Variants in CACNA2D3 observed in about 807,000 individuals in gnomAD.
The protein encoded by CACNA2D3 is calcium voltage-gated channel auxiliary subunit alpha2delta 3, also known as voltage-dependent calcium channel subunit alpha-2/delta-3.
In CACNA2D3, 60 loss-of-function variants were observed where a neutral mutation model predicts 160.6. The ratio of observed to expected loss-of-function variants is 0.37; its 90% CI spans 0.30 to 0.46. CACNA2D3 has a LOEUF of 0.46. Among genes scored for constraint, CACNA2D3 ranks in the 20% least tolerant of loss-of-function variants. The pLI is 1.00. For synonymous variants in CACNA2D3, 558 were observed against 492.9 expected, an observed-to-expected ratio of 1.13 and a Z score of -1.75; for missense variants, 1,205 against 1,365.0, an observed-to-expected ratio of 0.88 and a Z score of 1.85.
chr3:54,162,533 C>T (rs1476481974), intron 2 of CACNA2D3, among the ~76,000 whole-genome samples: 3 of 152,074 alleles, frequency 2.0e-5, no homozygotes, highest in Admixed American at 2.0e-4. Context: ...AAGAAGAGCT[C>T]GCTTCAAAAA....
chr3:54,450,739 C>T (rs1420647124), intron 4 of CACNA2D3, among the ~76,000 whole-genome samples: 2 of 152,038 alleles, frequency 1.3e-5, no homozygotes, highest in African/African-American at 4.8e-5. Context: ...TATAAATTAC[C>T]CAGCCTTGGG....
At position 54,678,814 on chromosome 3, in the gene CACNA2D3, A is replaced by C. The variant is rs1178103209; in HGVS notation, c.1167+36573A>C. On this transcript the variant is annotated intron_variant, in intron 11 of 37. Coordinates refer to ENST00000474759, the MANE Select transcript of CACNA2D3 (RefSeq NM_018398.3). Reference sequence around the variant, plus strand: ...GTTTGGTAAAATTTGCTTTTTTCTCAGGTTTAAAAATTAAATGATAATGAA... The same window carrying C: ...GTTTGGTAAAATTTGCTTTTTTCTCCGGTTTAAAAATTAAATGATAATGAA... 3.4e-5 allele frequency among the ~76,000 whole-genome samples: 5 copies of C among 148,154 alleles called. No homozygotes were observed. In the Admixed American group the frequency reaches 3.4e-4, roughly 10 times the overall value.
chr3:54,665,073 G>A (rs1184611264), intron 11 of CACNA2D3, among the ~76,000 whole-genome samples: 1 of 152,066 alleles, frequency 6.6e-6, no homozygotes, highest in East Asian at 1.9e-4. Flanking sequence ...TAATATATCG[G>A]GCTGACCTAA....
chr3:54,538,921 A>G (rs942830602), intron 5 of CACNA2D3, among the ~76,000 whole-genome samples: 2 of 152,190 alleles, frequency 1.3e-5, no homozygotes, highest in Non-Finnish European at 2.9e-5. Context: ...GTTTCTGTCA[A>G]TAAAATGTGG....
At chr3:54,368,537 A>G (rs181781816) in intron 3 of CACNA2D3, among the ~76,000 whole-genome samples, 2 of 151,416 alleles carry the variant, frequency 1.3e-5, no homozygotes, top group African/African-American at 2.4e-5. Flanking sequence ...TGAGCACAGA[A>G]CAGAGACAGA....
At chr3:54,921,569 G>A (rs1234868111) in intron 27 of CACNA2D3, among the ~76,000 whole-genome samples, 3 of 152,096 alleles carry the variant, frequency 2.0e-5, no homozygotes, top group African/African-American at 7.2e-5. Context: ...ACTTTTTGTG[G>A]TCTATTTGAG....
intron 2 of CACNA2D3, among the ~76,000 whole-genome samples, chr3:54,232,669 G>A (rs1003850949): frequency 6.6e-6 from 1 of 152,056 alleles, no homozygotes; most frequent in Non-Finnish European, 1.5e-5. Context: ...TTTTCCCTGT[G>A]TGGCTCTTTG....
At chr3:54,746,185 T>A (rs1701750297) in intron 11 of CACNA2D3, among the ~76,000 whole-genome samples, 1 of 152,230 alleles carries the variant, frequency 6.6e-6, no homozygotes, top group African/African-American at 2.4e-5. Context: ...TTGGCAGTGA[T>A]TTATGAAGCA....
At chr3:54,411,087 C>G (rs1699660743) in intron 4 of CACNA2D3, among the ~76,000 whole-genome samples, 1 of 152,168 alleles carries the variant, frequency 6.6e-6, no homozygotes, top group Non-Finnish European at 1.5e-5. Context: ...GAAAATGTGA[C>G]TGATTTGCTG....
At chr3:55,055,775 T>G (rs1282145965) in intron 35 of CACNA2D3, among the ~76,000 whole-genome samples, 1 of 152,144 alleles carries the variant, frequency 6.6e-6, no homozygotes, top group African/African-American at 2.4e-5. Context: ...TTGGTTAAAT[T>G]TACTCCTAAG....
intron 2 of CACNA2D3, among the ~76,000 whole-genome samples, chr3:54,171,136 C>CGTTTTTTTTTTT (rs1289627450): frequency 1.6e-5 from 1 of 62,542 alleles, no homozygotes; most frequent in Non-Finnish European, 2.9e-5. Context: ...AAGATGATGA[C>CGTTTTTTTTTTT]TTTTTTTTTT....
At chr3:54,462,336 A>T (rs548381384) in intron 4 of CACNA2D3, among the ~76,000 whole-genome samples, 4 of 152,050 alleles carry the variant, frequency 2.6e-5, no homozygotes, top group African/African-American at 9.6e-5. Flanking sequence ...TATCCTTGTT[A>T]ACTTTGTCTC....
At chr3:54,353,303 T>C (rs1575411352) in intron 3 of CACNA2D3, among the ~76,000 whole-genome samples, 1 of 152,204 alleles carries the variant, frequency 6.6e-6, no homozygotes, top group Non-Finnish European at 1.5e-5. Flanking sequence ...CGTGAAATCC[T>C]TGGGAATGGT....
intron 12 of CACNA2D3, among the ~76,000 whole-genome samples, chr3:54,755,506 T>C (rs1428309223): frequency 1.3e-5 from 2 of 152,240 alleles, no homozygotes; most frequent in African/African-American, 4.8e-5. Flanking sequence ...AACATATCCT[T>C]GAAGCTCTAA....
chr3:54,950,320 T>G (rs1265997567), intron 27 of CACNA2D3, among the ~76,000 whole-genome samples: 1 of 152,192 alleles, frequency 6.6e-6, no homozygotes, highest in African/African-American at 2.4e-5. Flanking sequence ...TTTATTTTAA[T>G]GTACAGATGC....
chr3:54,277,326 A>C (rs1006152504), intron 2 of CACNA2D3, among the ~76,000 whole-genome samples: 2 of 152,256 alleles, frequency 1.3e-5, no homozygotes, highest in Non-Finnish European at 2.9e-5. Flanking sequence ...GAAGGGGTCC[A>C]GTTTCAATCT....
chr3:54,581,054 C>T (rs998638742), intron 8 of CACNA2D3, among the ~76,000 whole-genome samples: 1 of 152,208 alleles, frequency 6.6e-6, no homozygotes, highest in East Asian at 1.9e-4. Flanking sequence ...CGGGAACATT[C>T]ATCTGCACAG....
chr3:55,053,454 C>T (rs1199840240), intron 35 of CACNA2D3, among the ~76,000 whole-genome samples: 1 of 151,934 alleles, frequency 6.6e-6, no homozygotes, highest in African/African-American at 2.4e-5. Context: ...CATACTCAAG[C>T]TTCCTTTAAA....
chr3:54,163,558 C>T (rs1249308346), intron 2 of CACNA2D3, among the ~76,000 whole-genome samples: 1 of 152,202 alleles, frequency 6.6e-6, no homozygotes, highest in Non-Finnish European at 1.5e-5. Context: ...AAATAAGTCA[C>T]ATGGCCAAGC....
Sources: allele counts gnomAD v4.1 joint callset (sites outside exome capture counted in the v4.1 genomes callset), GRCh38; gene constraint gnomAD v4.1.1; transcripts MANE v1.5; gene names NCBI Gene and HGNC (gene_info 2026-07-23, HGNC 2026-07-21).